The following ZFP91 variants were observed in gnomAD, a reference collection of about 807,000 sequenced individuals.
ZFP91 encodes the protein ZFP91 zinc finger protein, atypical E3 ubiquitin ligase.
ZFP91 carries 7 observed loss-of-function variants against 63.5 expected under a neutral mutation model. The ratio of observed to expected loss-of-function variants is 0.11; its 90% CI spans 0.06 to 0.21. The LOEUF (loss-of-function observed/expected upper bound fraction) is 0.21. Ranked by LOEUF, ZFP91 falls within the 10% of genes least tolerant of loss-of-function variation. The pLI is 1.00. For synonymous variants in ZFP91, 330 were observed against 272.1 expected (o/e 1.21, Z -2.10); for missense variants, 628 against 736.6 (o/e 0.85, Z 1.71).
At position 58,619,658 on chromosome 11, in the gene ZFP91, C is replaced by G. The variant is rs1265907816; in HGVS notation, c.*1952C>G. 6.6e-6 allele frequency: 1 copy of G among 152,592 alleles called. No individual in the cohort carries two copies. The highest frequency in any genetic ancestry group is 1.5e-5 in the Non-Finnish European group (1 of 68,034). 9.5% of individuals were successfully genotyped at this position (152,592 alleles called of 1,614,324 possible). On this transcript the variant is annotated 3_prime_UTR_variant, in exon 11 of 11. Coordinates refer to ENST00000316059, the MANE Select transcript of ZFP91 (RefSeq NM_053023.5). ...GAACAGAGAGTGAGACACCTACAATCACCAGTCTCAAATGCGCTATTGTTT... is the reference window on the plus strand; with the variant it reads ...GAACAGAGAGTGAGACACCTACAATGACCAGTCTCAAATGCGCTATTGTTT...
At chr11:58,603,625 G>T (rs1332724384) in intron 2 of ZFP91, among the ~76,000 whole-genome samples, 1 of 152,240 alleles carries the variant, frequency 6.6e-6, no homozygotes, top group Non-Finnish European at 1.5e-5. Context: ...ATGATGCTGA[G>T]GGTAGAGCTG....
intron 2 of ZFP91, among the ~76,000 whole-genome samples, chr11:58,606,564 A>G (rs1239421418): frequency 5.3e-5 from 8 of 152,160 alleles, no homozygotes; most frequent in Non-Finnish European, 1.2e-4. Flanking sequence ...GGCATATTGT[A>G]TGATATGAAA....
At chr11:58,616,890 C>A in intron 10 of ZFP91, 75 bp downstream of exon 10, 1 of 1,374,856 alleles carries the variant, frequency 7.3e-7, no homozygotes, top group Non-Finnish European at 1.0e-6. Context: ...GCTTTACAAA[C>A]ATATTAGTTG....
intron 2 of ZFP91, among the ~76,000 whole-genome samples, chr11:58,609,131 A>G (rs1001967708): frequency 2.6e-5 from 4 of 152,172 alleles, no homozygotes; most frequent in Non-Finnish European, 5.9e-5. Flanking sequence ...TATGAAAGCC[A>G]GTTTCTGAGA....
rs1016542275 is a variant in ZFP91 at position 58,579,334 on chromosome 11, G to C, written c.53G>C (p.Gly18Ala). Residue 18 changes from glycine to alanine, a missense_variant, in exon 1 of 11, where the codon GGG becomes GCG. Transcript: ENST00000316059. ...PRPPEQQDQE[G>A]GEAAKAAPEE... ...CCCCCGGAGCAGCAGGACCAGGAAGGGGGAGAGGCGGCCAAGGCGGCTCCG... is the reference window on the plus strand; with the variant it reads ...CCCCCGGAGCAGCAGGACCAGGAAGCGGGAGAGGCGGCCAAGGCGGCTCCG... The C allele has an allele frequency of 6.7e-7, 1 of 1,495,314 alleles. No individual in the cohort carries two copies. Among genetic ancestry groups the C allele is most frequent in the African/African-American group, 1.5e-5 (1 of 67,944 alleles). The allele number at this position is 1,495,314 out of a possible 1,614,324, so 92.6% of individuals were successfully genotyped here.
chr11:58,584,294 T>C (rs549048126), intron 1 of ZFP91, among the ~76,000 whole-genome samples: 1 of 152,180 alleles, frequency 6.6e-6, no homozygotes, highest in East Asian at 1.9e-4. Context: ...GTTTTTATTA[T>C]GAAAATTGTT....
intron 1 of ZFP91, among the ~76,000 whole-genome samples, chr11:58,580,716 C>A (rs1855098744): frequency 6.6e-6 from 1 of 152,124 alleles, no homozygotes; most frequent in South Asian, 2.1e-4. Context: ...AGAAGCCTCT[C>A]AGAAAGAGAA....
Position 58,611,000 on chromosome 11 carries a change from A to G in ZFP91, c.668A>G (p.Glu223Gly). The change falls in exon 5 of 11, where the codon GAG becomes GGG. Residue 223 changes from glutamate (E) to glycine (G), a missense_variant. Glu to Gly is a moderately conservative substitution (Grantham distance 98, BLOSUM62 -2). Transcript: ENST00000316059. The part of the protein sequence containing the change: ...EEEEMLISEE[E>G]IPFKDDPRDE... ...GAAGAGATGTTAATCAGTGAAGAGG[A>G]GATACCATTCAAAGATGATCCAAGA... 1 of 1,613,300 alleles carries G rather than the reference A, an allele frequency of 6.2e-7. No homozygotes were observed. The highest frequency in any genetic ancestry group is 8.5e-7 in the Non-Finnish European group (1 of 1,179,726).
chr11:58,595,938 A>C (rs1157698038), intron 2 of ZFP91, among the ~76,000 whole-genome samples: 2 of 152,028 alleles, frequency 1.3e-5, no homozygotes, highest in Admixed American at 6.6e-5. Context: ...ACCTTCTTTC[A>C]AGAATGTACA....
intron 2 of ZFP91, among the ~76,000 whole-genome samples, chr11:58,586,236 G>C (rs912996739): frequency 6.6e-6 from 1 of 152,154 alleles, no homozygotes; most frequent in Non-Finnish European, 1.5e-5. Flanking sequence ...ATTACCTTAC[G>C]TGTCCAAAGA....
Position 58,579,076 on chromosome 11 carries a change from G to GCT in ZFP91, c.-205_-204insTC, listed in dbSNP as rs1855025030. Reference sequence around the variant, plus strand: ...CGCTGAGCGTCTGTGGCGCGCGCGCGCGCGCCGCCAGCGGTAGCGGACCTT... The same window carrying GCT: ...CGCTGAGCGTCTGTGGCGCGCGCGCGCTCGCGCCGCCAGCGGTAGCGGACCTT... On this transcript the variant is annotated 5_prime_UTR_variant, in exon 1 of 11. Transcript: ENST00000316059. The GCT allele has an allele frequency of 2.7e-6, 1 of 376,022 alleles. No individual in the cohort carries two copies. Among genetic ancestry groups the GCT allele is most frequent in the Non-Finnish European group, 4.6e-6 (1 of 216,606 alleles). The allele number at this position is 376,022 out of a possible 1,614,324, so 23.3% of individuals were successfully genotyped here.
At chr11:58,591,836 C>T (rs1373535940) in intron 2 of ZFP91, among the ~76,000 whole-genome samples, 3 of 152,174 alleles carry the variant, frequency 2.0e-5, no homozygotes, top group Non-Finnish European at 4.4e-5. Context: ...TGTAGCGAAC[C>T]TTGCACCAGG....
intron 7 of ZFP91, 60 bp from the exon 8 acceptor site, chr11:58,612,702 C>A: frequency 7.6e-7 from 1 of 1,308,732 alleles, no homozygotes; most frequent in Non-Finnish European, 1.1e-6. Flanking sequence ...AGTCAGAGGC[C>A]ACTGTGCAGA....
chr11:58,579,618 C>A lies in ZFP91; in HGVS notation c.337C>A (p.Leu113Ile). The A allele has an allele frequency of 6.4e-7, 1 of 1,567,698 alleles. No homozygotes were observed. The highest frequency in any genetic ancestry group is 1.1e-5 in the South Asian group (1 of 87,166). Residue 113 changes from leucine to isoleucine, a missense_variant, in exon 1 of 11, where the codon CTC (leucine) becomes ATC (isoleucine). By Grantham distance (5) the Leu-to-Ile change is conservative (BLOSUM62 2). Coordinates refer to ENST00000316059, the MANE Select transcript of ZFP91 (RefSeq NM_053023.5). The part of the protein sequence containing the change: ...SPVQGKKSPR[L>I]LCIEKVTTDK... ...AGTTCAGGGCAAGAAGAGTCCGCGACTCCTGTGAGTAACAGTCTTTCAGGC... is the reference window on the plus strand; with the variant it reads ...AGTTCAGGGCAAGAAGAGTCCGCGAATCCTGTGAGTAACAGTCTTTCAGGC...
intron 9 of ZFP91, 100 bp downstream of exon 9, chr11:58,614,443 C>A: frequency 1.2e-6 from 1 of 866,306 alleles, no homozygotes; most frequent in South Asian, 2.5e-5. Context: ...TTAAAAGATT[C>A]TATAGTCAAG....
rs948002895 is a variant in ZFP91 at position 58,590,909 on chromosome 11, T to G, written c.370+6025T>G. 1.8e-4 allele frequency among the ~76,000 whole-genome samples: 25 copies of G among 140,636 alleles called. 1 individual carries two copies. Among genetic ancestry groups the G allele is most frequent in the Admixed American group, 7.0e-5 (1 of 14,218 alleles). 92.3% of individuals were successfully genotyped at this position (140,636 alleles called of 152,430 possible). ...CTGAAGGGCATTTGATATTTCTGGG[T>G]TTTTTTTTTTTCCTGAGATTACAGG... On this transcript the variant is annotated intron_variant, in intron 2 of 10. Coordinates refer to ENST00000316059, the MANE Select transcript of ZFP91 (RefSeq NM_053023.5).
chr11:58,606,609 G>T (rs761531333), intron 2 of ZFP91, among the ~76,000 whole-genome samples: 5 of 151,954 alleles, frequency 3.3e-5, no homozygotes, highest in Non-Finnish European at 7.4e-5. Flanking sequence ...TGCAGGTACT[G>T]AGCATAGTAC....
At chr11:58,599,766 A>G (rs1269720510) in intron 2 of ZFP91, among the ~76,000 whole-genome samples, 1 of 152,064 alleles carries the variant, frequency 6.6e-6, no homozygotes. Flanking sequence ...ACTTGCAAAT[A>G]TATTCTCCCA....
intron 2 of ZFP91, among the ~76,000 whole-genome samples, chr11:58,589,149 G>A (rs981878778): frequency 2.6e-5 from 4 of 152,102 alleles, no homozygotes; most frequent in African/African-American, 9.7e-5. Context: ...ATGGCCCACT[G>A]CAGTGTTGAT....
Sources: allele counts gnomAD v4.1 joint callset (sites outside exome capture counted in the v4.1 genomes callset), GRCh38; gene constraint gnomAD v4.1.1; transcripts MANE v1.5; gene names NCBI Gene and HGNC (gene_info 2026-07-23, HGNC 2026-07-21).